The following FTO variants were observed in gnomAD, a reference collection of about 807,000 sequenced individuals.
The protein encoded by FTO is alpha-ketoglutarate-dependent dioxygenase FTO.
In FTO, 47 loss-of-function variants were observed where a neutral mutation model predicts 63.9. The observed-to-expected ratio is 0.74, with a 90% CI of 0.58 to 0.94. The LOEUF is 0.94. FTO is among the 40% of genes least tolerant of loss of function. FTO has a pLI of 0.00. For synonymous variants in FTO, 207 were observed against 224.4 expected (o/e 0.92, Z 0.69); for missense variants, 562 against 618.1 (o/e 0.91, Z 0.96).
chr16:53,851,352 G>C (rs12596970), intron 4 of FTO, among the ~76,000 whole-genome samples: 27,613 of 150,558 alleles, frequency 0.18, 2,741 homozygotes, highest in East Asian at 0.33. Flanking sequence ...CCAGCTACTC[G>C]GGAGGCTGAG....
chr16:53,885,233 G>C (rs1397156678), intron 6 of FTO, among the ~76,000 whole-genome samples: 1 of 152,174 alleles, frequency 6.6e-6, no homozygotes, highest in African/African-American at 2.4e-5. Flanking sequence ...AATCAAGCAG[G>C]TGGAGATTTT....
intron 1 of FTO, among the ~76,000 whole-genome samples, chr16:53,756,369 C>T (rs986576136): frequency 1.3e-5 from 2 of 152,178 alleles, no homozygotes; most frequent in African/African-American, 4.8e-5. Context: ...TCGATTTCAC[C>T]TGCTTTGTTA....
intron 5 of FTO, among the ~76,000 whole-genome samples, chr16:53,877,685 T>A (rs934349971): frequency 1.3e-5 from 2 of 151,988 alleles, no homozygotes; most frequent in African/African-American, 4.8e-5. Context: ...ATGCTTTAAA[T>A]GCTTGAATTT....
intron 3 of FTO, among the ~76,000 whole-genome samples, chr16:53,833,319 T>C (rs2111648): frequency 0.46 from 69,789 of 152,120 alleles, 16,541 homozygotes; most frequent in East Asian, 0.58. Flanking sequence ...CTAATACAAC[T>C]ATTTTACTTA....
At chr16:53,743,066 A>G (rs932645605) in intron 1 of FTO, among the ~76,000 whole-genome samples, 2 of 152,234 alleles carry the variant, frequency 1.3e-5, no homozygotes, top group Non-Finnish European at 2.9e-5. Flanking sequence ...CCAGGTATGT[A>G]TAATTCCAGC....
intron 8 of FTO, among the ~76,000 whole-genome samples, chr16:54,010,869 G>T (rs2084318719): frequency 6.6e-6 from 1 of 152,152 alleles, no homozygotes; most frequent in Non-Finnish European, 1.5e-5. Flanking sequence ...CTTCAATCTT[G>T]CATACCAACA....
chr16:54,068,023 A>C (rs560401725), intron 8 of FTO, among the ~76,000 whole-genome samples: 3 of 150,454 alleles, frequency 2.0e-5, no homozygotes, highest in African/African-American at 7.4e-5. Flanking sequence ...TGCTGCTTTC[A>C]TAGGAATTTT....
At chr16:53,969,874 A>G (rs2083277502) in intron 8 of FTO, among the ~76,000 whole-genome samples, 1 of 152,198 alleles carries the variant, frequency 6.6e-6, no homozygotes, top group African/African-American at 2.4e-5. Flanking sequence ...AGTTAGGGTA[A>G]CGTGGCTGTG....
intron 4 of FTO, among the ~76,000 whole-genome samples, chr16:53,857,995 C>T (rs77140256): frequency 0.21 from 31,501 of 151,506 alleles, 4,204 homozygotes; most frequent in East Asian, 0.63. Flanking sequence ...ATAAAAGTAT[C>T]AGGGAAAAAA....
intron 8 of FTO, among the ~76,000 whole-genome samples, chr16:53,949,126 T>C (rs914449302): frequency 6.8e-6 from 1 of 147,916 alleles, no homozygotes; most frequent in African/African-American, 2.4e-5. Flanking sequence ...TGATAAAGGG[T>C]TTAATTCTCA....
intron 8 of FTO, among the ~76,000 whole-genome samples, chr16:54,097,143 C>T (rs1166990295): frequency 6.6e-6 from 1 of 151,990 alleles, no homozygotes; most frequent in Non-Finnish European, 1.5e-5. Flanking sequence ...ATGGGAAGAC[C>T]TTTAGGGATT....
At chr16:54,030,652 C>T (rs1276611324) in intron 8 of FTO, among the ~76,000 whole-genome samples, 1 of 152,160 alleles carries the variant, frequency 6.6e-6, no homozygotes, top group East Asian at 1.9e-4. Flanking sequence ...CCAAGCACTT[C>T]CTCTCTTCAA....
chr16:54,078,422 A>G (rs1157856449), intron 8 of FTO, among the ~76,000 whole-genome samples: 1 of 149,042 alleles, frequency 6.7e-6, no homozygotes, highest in Non-Finnish European at 1.5e-5. Context: ...AATTATAAAT[A>G]TATATTTGCA....
chr16:53,825,734 C>A, intron 2 of FTO, 130 bp from the exon 3 acceptor site: 2 of 971,732 alleles, frequency 2.1e-6, no homozygotes, highest in Non-Finnish European at 3.2e-6. Context: ...GAAGATGTGA[C>A]TCCTATTTAG....
intron 8 of FTO, among the ~76,000 whole-genome samples, chr16:54,098,614 T>C (rs970785844): frequency 3.9e-5 from 6 of 152,236 alleles, no homozygotes; most frequent in African/African-American, 1.4e-4. Flanking sequence ...GAGTGGATTA[T>C]ACTCACTGGC....
At chr16:53,710,790 A>C (rs562338995) in intron 1 of FTO, among the ~76,000 whole-genome samples, 1 of 152,322 alleles carries the variant, frequency 6.6e-6, no homozygotes, top group South Asian at 2.1e-4. Flanking sequence ...AACAGTGGGC[A>C]TGCATTTTCC....
chr16:53,736,832 C>A (rs2076400122), intron 1 of FTO, among the ~76,000 whole-genome samples: 1 of 152,154 alleles, frequency 6.6e-6, no homozygotes, highest in African/African-American at 2.4e-5. Context: ...TGACACTTTC[C>A]ATCTCCCCGC....
chr16:53,966,568 T>G (rs1340579865), intron 8 of FTO, among the ~76,000 whole-genome samples: 8 of 152,226 alleles, frequency 5.3e-5, no homozygotes, highest in African/African-American at 1.7e-4. Context: ...CTTTCTCTAT[T>G]AGCACATTCT....
intron 7 of FTO, among the ~76,000 whole-genome samples, chr16:53,889,164 A>C (rs781194135): frequency 1.3e-5 from 2 of 152,260 alleles, no homozygotes; most frequent in Non-Finnish European, 2.9e-5. Context: ...CTCATAGGGC[A>C]TGTGCTGGAC....
Sources: allele counts gnomAD v4.1 joint callset (sites outside exome capture counted in the v4.1 genomes callset), GRCh38; gene constraint gnomAD v4.1.1; transcripts MANE v1.5; gene names NCBI Gene and HGNC (gene_info 2026-07-23, HGNC 2026-07-21).